The following NUP93 variants were observed in gnomAD, a reference collection of about 807,000 sequenced individuals.
The protein encoded by NUP93 is nuclear pore complex protein Nup93.
In NUP93, 55 loss-of-function variants were observed where a neutral mutation model predicts 107.8. That is an observed-to-expected ratio of 0.51 (90% confidence interval 0.41 to 0.64). The LOEUF (loss-of-function observed/expected upper bound fraction) is 0.64, where lower values mean the gene tolerates loss of function less well. Ranked by LOEUF, NUP93 falls within the 30% of genes least tolerant of loss-of-function variation. The pLI is 0.00. For missense variants in NUP93, 937 were observed against 1,044.7 expected, an observed-to-expected ratio of 0.90 and a Z score of 1.42; for synonymous variants, 390 against 397.5, an observed-to-expected ratio of 0.98 and a Z score of 0.22.
chr16:56,841,641 T>C (rs974301214), intron 20 of NUP93, 64 bp from the exon 21 acceptor site: 5 of 1,589,804 alleles, frequency 3.1e-6, no homozygotes, highest in Non-Finnish European at 4.3e-6. Flanking sequence ...CCACCCTCCC[T>C]CCATCTGTGG....
At chr16:56,758,878 C>A (rs983001706) in intron 3 of NUP93, among the ~76,000 whole-genome samples, 1 of 152,168 alleles carries the variant, frequency 6.6e-6, no homozygotes, top group Non-Finnish European at 1.5e-5. Flanking sequence ...CAATTCCAAC[C>A]TGCACTTTTT....
intron 8 of NUP93, among the ~76,000 whole-genome samples, chr16:56,825,162 T>C (rs968897183): frequency 6.7e-6 from 1 of 150,158 alleles, no homozygotes; most frequent in Non-Finnish European, 1.5e-5. Flanking sequence ...GCTCAAGCAG[T>C]CCTCCCACCT....
At chr16:56,809,106 G>A (rs1290526106) in intron 5 of NUP93, among the ~76,000 whole-genome samples, 4 of 151,990 alleles carry the variant, frequency 2.6e-5, no homozygotes, top group Non-Finnish European at 5.9e-5. Flanking sequence ...GGTCTTTCCT[G>A]AGAGGGATTT....
chr16:56,739,950 A>AC (rs1397768435), intron 1 of NUP93, among the ~76,000 whole-genome samples: 2 of 45,310 alleles, frequency 4.4e-5, no homozygotes, highest in Non-Finnish European at 9.0e-5. Context: ...CGGGGGGCCG[A>AC]CCCCCCCCAC....
chr16:56,832,190 C>T, intron 11 of NUP93, 105 bp from the exon 12 acceptor site: 2 of 1,257,454 alleles, frequency 1.6e-6, no homozygotes, highest in South Asian at 1.2e-5. Context: ...TTAAACACAG[C>T]TTCTAGCTGA....
In NUP93 at chr16:56,829,087, C is replaced by T; in HGVS notation, c.905C>T (p.Pro302Leu). Residue 302 changes from proline (P) to leucine (L), a missense_variant, in exon 9 of 22, where the codon CCA (proline) becomes CTA (leucine). Pro to Leu is a moderately conservative substitution (Grantham distance 98). Coordinates refer to ENST00000308159, the MANE Select transcript of NUP93 (RefSeq NM_014669.5). ...CGAAGTTTCCTGAACATTAAACTGC[C>T]AGCTCCCTTGCCTGGACTACAGGTA... ...LVRSFLNIKL[P>L]APLPGLQDGE... 2 of 1,613,118 alleles carry T rather than the reference C, an allele frequency of 1.2e-6. No individual in the cohort carries two copies. The highest frequency in any genetic ancestry group is 1.7e-6 in the Non-Finnish European group (2 of 1,179,734).
At chr16:56,834,805 T>A (rs1469476621) in intron 16 of NUP93, 27 bp downstream of exon 16, 11 of 1,555,872 alleles carry the variant, frequency 7.1e-6, no homozygotes, top group Non-Finnish European at 9.7e-6. Context: ...CTTAGAGAAA[T>A]GTTCGTTAGC....
chr16:56,825,177 C>T (rs978062609), intron 8 of NUP93, among the ~76,000 whole-genome samples: 7 of 150,640 alleles, frequency 4.6e-5, no homozygotes, highest in Non-Finnish European at 8.9e-5. Flanking sequence ...CCACCTCAGC[C>T]TCCTGAGGTG....
intron 16 of NUP93, among the ~76,000 whole-genome samples, chr16:56,835,140 G>C (rs1248569658): frequency 6.6e-6 from 1 of 152,176 alleles, no homozygotes; most frequent in African/African-American, 2.4e-5. Context: ...TCCCAAGATG[G>C]GAAAGTTAGA....
chr16:56,792,755 A>G (rs545490462), intron 3 of NUP93, among the ~76,000 whole-genome samples: 1 of 152,166 alleles, frequency 6.6e-6, no homozygotes, highest in Non-Finnish European at 1.5e-5. Flanking sequence ...TATTGTTTGT[A>G]AAGAGTAGCC....
At chr16:56,747,362 T>A (rs952404336) in intron 1 of NUP93, among the ~76,000 whole-genome samples, 7 of 152,212 alleles carry the variant, frequency 4.6e-5, no homozygotes, top group Non-Finnish European at 1.0e-4. Flanking sequence ...GTTAAAAACA[T>A]TCTCTTGGTC....
rs1361275289 is a variant in NUP93, at chr16:56,845,922, G to C, written c.*1313G>C. 1 of 152,144 alleles carries C rather than the reference G, an allele frequency of 6.6e-6. No individual in the cohort carries two copies. 9.4% of individuals were successfully genotyped at this position (152,144 alleles called of 1,614,324 possible). ...GGATTCCATGTTCCAGGAAGGATGC[G>C]GCCTGAGGGTCAGTGGAGCTGTGTT... On this transcript the variant is annotated 3_prime_UTR_variant, in exon 22 of 22. Transcript: ENST00000308159.
At position 56,794,927 on chromosome 16, in the gene NUP93, C is replaced by CAAAAAAAA. The variant is rs747651772; in HGVS notation, c.298-3524_298-3517dup. Among the ~76,000 whole-genome samples, 11 of 71,944 alleles carry CAAAAAAAA rather than the reference C, an allele frequency of 1.5e-4. 1 individual carries two copies. Among genetic ancestry groups the CAAAAAAAA allele is most frequent in the African/African-American group, 5.3e-4 (9 of 17,064 alleles). 47.2% of individuals were successfully genotyped at this position (71,944 alleles called of 152,430 possible). ...TGGGCGACAGAGCGAGACTCTGTCT[C>CAAAAAAAA]AAAAAAAAAAAAAAAAAAAAAAAAA... is the stretch of plus-strand genomic sequence containing the variant. On this transcript the variant is annotated intron_variant, in intron 3 of 21. Transcript: ENST00000308159.
rs201688572 is a variant in NUP93 at position 56,779,021 on chromosome 16, CAGA to C, written c.298-19453_298-19451del. Among the ~76,000 whole-genome samples, 1,197 of 152,242 alleles carry C rather than the reference CAGA, an allele frequency of 7.9e-3. 11 individuals carry two copies. Among genetic ancestry groups the C allele is most frequent in the Admixed American group, 0.015 (235 of 15,296 alleles). On this transcript the variant is annotated intron_variant, in intron 3 of 21. Transcript: ENST00000308159. ...GGACCCAGCTCTCCCAGCTGTATCT[CAGA>C]AAGCTGGGAGTTTGCTCATAGAGGG...
intron 3 of NUP93, among the ~76,000 whole-genome samples, chr16:56,774,771 G>A (rs1962382537): frequency 1.3e-5 from 2 of 152,116 alleles, no homozygotes; most frequent in South Asian, 4.1e-4. Context: ...TGATTTGGTT[G>A]CCTAGAACCC....
Position 56,828,960 on chromosome 16 carries a change from C to A in NUP93, c.795-17C>A. ...TGTTTTCAGTCTTCCCTGTTTTTTC[C>A]TTTAAAATTTTTCCAGTTATAAGAA... On this transcript the variant is annotated splice_polypyrimidine_tract_variant and intron_variant, in intron 8 of 21. Transcript: ENST00000308159. 3.1e-6 allele frequency: 5 copies of A among 1,608,136 alleles called. No homozygotes were observed. The highest frequency in any genetic ancestry group is 4.2e-6 in the Non-Finnish European group (5 of 1,178,022).
At chr16:56,805,734 C>G in intron 5 of NUP93, 102 bp downstream of exon 5, 1 of 1,252,070 alleles carries the variant, frequency 8.0e-7, no homozygotes. Context: ...TCACTGTCTT[C>G]CCCTTGAAAC....
chr16:56,844,515 C>A lies in NUP93; in HGVS notation c.2366C>A (p.Ala789Asp). The A allele has an allele frequency of 1.3e-6, 2 of 1,504,680 alleles. No homozygotes were observed. Among genetic ancestry groups the A allele is most frequent in the South Asian group, 1.3e-5 (1 of 75,366 alleles). The allele number at this position is 1,504,680 out of a possible 1,614,324, so 93.2% of individuals were successfully genotyped here. A position where few individuals can be genotyped will look rare whatever the true frequency, so the allele number is the denominator to read the frequency against. The change falls in exon 22 of 22, where the codon GCC becomes GAC. Residue 789 changes from alanine (A) to aspartate (D), a missense_variant. Ala to Asp is a moderately radical substitution (Grantham distance 126). Transcript: ENST00000308159. ...EDRDSQLRSQ[A>D]RTLITFAGMI... ...CTCTCTCAGCAACTCCGAAGTCAAG[C>A]CCGCACTCTGATTACCTTTGCTGGA...
chr16:56,831,012 T>G (rs1490412580), intron 10 of NUP93, among the ~76,000 whole-genome samples: 1 of 152,220 alleles, frequency 6.6e-6, no homozygotes, highest in Non-Finnish European at 1.5e-5. Flanking sequence ...AAAATGGGAC[T>G]TTTTAAAAGT....
Sources: gnomAD v4.1 joint callset for allele counts (sites outside exome capture counted in the v4.1 genomes callset) on GRCh38, gnomAD v4.1.1 for gene constraint, MANE v1.5 for transcripts, NCBI Gene and HGNC (gene_info 2026-07-23, HGNC 2026-07-21) for gene names.